Variants in PLXNA3 observed in about 807,000 individuals in gnomAD.
PLXNA3 encodes plexin-A3.
In PLXNA3, 52 loss-of-function variants were observed where a neutral mutation model predicts 118.8. That is an observed-to-expected ratio of 0.44 (90% CI 0.35 to 0.55). PLXNA3 has a LOEUF of 0.55. Among genes scored for constraint, PLXNA3 ranks in the 20% least tolerant of loss-of-function variants. The probability of loss-of-function intolerance (pLI) is 0.01; values close to 1 mark genes in which losing one functional copy is unlikely to be tolerated. For missense variants in PLXNA3, 1,660 were observed against 1,730.8 expected, an observed-to-expected ratio of 0.96 and a Z score of 0.73; for synonymous variants, 925 against 762.4, an observed-to-expected ratio of 1.21 and a Z score of -3.51.
At position 154,467,479 on chromosome X, in the gene PLXNA3, C is replaced by T. The variant is rs782539165; in HGVS notation, c.3441+8C>T. Reference sequence around the variant, plus strand: ...TCCCACGTGGTGCTGAAGGTGCGGGCGGGGTGGGGGCGGGGAGGGGCGGGA... The same window carrying T: ...TCCCACGTGGTGCTGAAGGTGCGGGTGGGGTGGGGGCGGGGAGGGGCGGGA... On this transcript the variant is annotated splice_region_variant and intron_variant, in intron 19 of 32. Transcript: ENST00000369682. The T allele has an allele frequency of 4.6e-4, 130 of 283,050 alleles. No individual in the cohort carries two copies. Among genetic ancestry groups the T allele is most frequent in the South Asian group, 9.7e-4 (20 of 20,528 alleles). 23.3% of individuals were successfully genotyped at this position (283,050 alleles called of 1,213,427 possible). A position where few individuals can be genotyped will look rare whatever the true frequency, so the allele number is the denominator to read the frequency against.
rs1273466865 is a variant in PLXNA3 at position 154,476,473 on chromosome X, AAG to A, written c.*3789_*3790del. On this transcript the variant is annotated 3_prime_UTR_variant, in exon 33 of 33. Coordinates refer to ENST00000369682, the MANE Select transcript of PLXNA3 (RefSeq NM_017514.5). Reference sequence around the variant, plus strand: ...ACACTGTCTCAAAAAAAAAAAAAAAAAGTGAAAGATCTAAATTGTCAACTATT... The same window carrying A: ...ACACTGTCTCAAAAAAAAAAAAAAAATGAAAGATCTAAATTGTCAACTATT... The A allele has an allele frequency of 2.7e-5, 3 of 110,311 alleles. No individual in the cohort carries two copies. The highest frequency in any genetic ancestry group is 5.7e-5 in the Non-Finnish European group (3 of 52,723). The allele number at this position is 110,311 out of a possible 1,213,427, so 9.1% of individuals were successfully genotyped here. A position where few individuals can be genotyped will look rare whatever the true frequency, so the allele number is the denominator to read the frequency against.
chrX:154,461,060 G>A, intron 2 of PLXNA3, 39 bp from the exon 3 acceptor site: 7 of 1,120,415 alleles, frequency 6.2e-6, no homozygotes, highest in Non-Finnish European at 8.5e-6. Flanking sequence ...TGTTGGCACA[G>A]GGCCTCACCG....
rs781863151 is a variant in PLXNA3 at position 154,463,928 on chromosome X, G to C, written c.1548-23G>C. On this transcript the variant is annotated intron_variant, in intron 6 of 32. Transcript: ENST00000369682. Reference sequence around the variant, plus strand: ...GCCCTCCCGGGGCAGTGGCGGGACCGGCTCTGGCCCGACCCCGTGCAGGTG... The same window carrying C: ...GCCCTCCCGGGGCAGTGGCGGGACCCGCTCTGGCCCGACCCCGTGCAGGTG... 4 of 1,155,596 alleles carry C rather than the reference G, an allele frequency of 3.5e-6. No homozygotes were observed. In the South Asian group the frequency reaches 7.7e-5, roughly 22 times the overall value.
At chrX:154,463,559 G>T (rs782034655) in intron 5 of PLXNA3, 31 bp from the exon 6 acceptor site, 13 of 1,154,216 alleles carry the variant, frequency 1.1e-5, no homozygotes, top group Non-Finnish European at 5.8e-6. Flanking sequence ...TGGGGCGGGG[G>T]TGGGCTGGGT....
At chrX:154,465,352 G>T in intron 11 of PLXNA3, 72 bp from the exon 12 acceptor site, 1 of 1,035,152 alleles carries the variant, frequency 9.7e-7, no homozygotes, top group Non-Finnish European at 1.4e-6. Context: ...GGAGGAGGGG[G>T]GCAGCTGGCA....
At chrX:154,460,986 C>T in intron 2 of PLXNA3, 113 bp from the exon 3 acceptor site, 3 of 771,625 alleles carry the variant, frequency 3.9e-6, no homozygotes, top group Non-Finnish European at 5.6e-6. Flanking sequence ...GCCTTTCTGG[C>T]CTGGGCCTCT....
rs370041119 is a variant in PLXNA3 at position 154,469,819 on chromosome X, C to A, written c.4795+35C>A. 5.2e-6 allele frequency: 6 copies of A among 1,150,522 alleles called. No individual in the cohort carries two copies. In the African/African-American group the frequency reaches 8.9e-5, roughly 17 times the overall value. 94.8% of individuals were successfully genotyped at this position (1,150,522 alleles called of 1,213,427 possible). A position where few individuals can be genotyped will look rare whatever the true frequency, so the allele number is the denominator to read the frequency against. On this transcript the variant is annotated intron_variant, in intron 28 of 32. Transcript: ENST00000369682. ...CTCAGTGTGGTGGCCATGTGCCCTTCGAGGGAACCCCCACTTCCAAGTGCC... is the reference window on the plus strand; with the variant it reads ...CTCAGTGTGGTGGCCATGTGCCCTTAGAGGGAACCCCCACTTCCAAGTGCC...
intron 31 of PLXNA3, 51 bp downstream of exon 31, chrX:154,471,368 G>C (rs1557209439): frequency 8.6e-7 from 1 of 1,166,676 alleles, no homozygotes; most frequent in South Asian, 1.9e-5. Flanking sequence ...GCCCCTCCCT[G>C]GGCTGCCTGT....
Position 154,467,150 on chromosome X carries a change from T to C in PLXNA3, c.3201T>C (p.Asn1067=). 1 of 1,209,509 alleles carries C rather than the reference T, an allele frequency of 8.3e-7. No individual in the cohort carries two copies. Among genetic ancestry groups the C allele is most frequent in the Middle Eastern group, 2.3e-4 (1 of 4,346 alleles). Reference sequence around the variant, plus strand: ...AGTACCGCGGCATTGAGACCACCAATGTGAGTACCAGCTGCCCCGCCCCAC... The same window carrying C: ...AGTACCGCGGCATTGAGACCACCAACGTGAGTACCAGCTGCCCCGCCCCAC... ...RAKYRGIETT[N]TCQVINDTAM... The change falls in exon 18 of 33, where the codon AAT becomes AAC. Residue 1067 remains asparagine, a splice_region_variant and synonymous_variant. Coordinates refer to ENST00000369682, the MANE Select transcript of PLXNA3 (RefSeq NM_017514.5).
rs1180496539 is a variant in PLXNA3, at chrX:154,460,410, G to A, written c.227G>A (p.Arg76His). 15 of 1,201,685 alleles carry A rather than the reference G, an allele frequency of 1.2e-5. No homozygotes were observed. Among genetic ancestry groups the A allele is most frequent in the African/African-American group, 7.0e-5 (4 of 57,395 alleles). Residue 76 changes from arginine (R) to histidine (H), a missense_variant, in exon 2 of 33, where the codon CGC (arginine) becomes CAC (histidine). This residue lies in a region of PLXNA3 where 791 missense variants were observed against 652.1 expected (regional missense o/e 1.21). Transcript: ENST00000369682. ...HVTGPVEDNA[R>H]CYPPPSMRVC... ...ACGGGGCCCGTCGAGGACAACGCTCGCTGCTACCCGCCCCCCAGCATGCGC... is the reference window on the plus strand; with the variant it reads ...ACGGGGCCCGTCGAGGACAACGCTCACTGCTACCCGCCCCCCAGCATGCGC...
rs1451608752 is a variant in PLXNA3 at position 154,463,445 on chromosome X, G to T, written c.1372G>T (p.Asp458Tyr). The T allele has an allele frequency of 5.0e-6, 6 of 1,206,207 alleles. No homozygotes were observed. Among genetic ancestry groups the T allele is most frequent in the Non-Finnish European group, 6.7e-6 (6 of 893,718 alleles). Residue 458 changes from aspartate to tyrosine, a missense_variant, in exon 5 of 33, where the codon GAT becomes TAT. Transcript: ENST00000369682. ...CCTGTATGAGACAGTCCCCGTGGTG[G>T]ATGGCAGCCCCATCCTCCGAGACCT... ...AHLYETVPVV[D>Y]GSPILRDLLF...
chrX:154,462,041 C>A, intron 3 of PLXNA3, 87 bp from the exon 4 acceptor site: 1 of 809,305 alleles, frequency 1.2e-6, no homozygotes, highest in Non-Finnish European at 1.8e-6. Context: ...TTCTAGATCC[C>A]GCTCTCTTCT....
At position 154,477,475 on chromosome X, in the gene PLXNA3, G is replaced by C. The variant is rs1360247332; in HGVS notation, c.*4790G>C. 1 of 114,311 alleles carries C rather than the reference G, an allele frequency of 8.7e-6. No homozygotes were observed. The highest frequency in any genetic ancestry group is 1.8e-5 in the Non-Finnish European group (1 of 54,720). The allele number at this position is 114,311 out of a possible 1,213,427, so 9.4% of individuals were successfully genotyped here. On this transcript the variant is annotated 3_prime_UTR_variant, in exon 33 of 33. Coordinates refer to ENST00000369682, the MANE Select transcript of PLXNA3 (RefSeq NM_017514.5). Reference sequence around the variant, plus strand: ...CGTTAGAGGAAAAAAGCTCATGTTAGATTTAAAAATCAGGAAAAAAATTTA... The same window carrying C: ...CGTTAGAGGAAAAAAGCTCATGTTACATTTAAAAATCAGGAAAAAAATTTA...
chrX:154,463,621 A>G lies in PLXNA3; in HGVS notation c.1478A>G (p.Gln493Arg), dbSNP rs1557205652. The G allele has an allele frequency of 8.3e-7, 1 of 1,204,756 alleles. No individual in the cohort carries two copies. Among genetic ancestry groups the G allele is most frequent in the Admixed American group, 2.2e-5 (1 of 45,714 alleles). Reference protein sequence around the residue: ...VSQLPVETCEQYQSCAACLGS... With the variant: ...VSQLPVETCERYQSCAACLGS... ...CAGCTCCCGGTGGAGACCTGTGAGC[A>G]GTACCAGAGCTGCGCAGCCTGCCTG... The change falls in exon 6 of 33, where the codon CAG (glutamine) becomes CGG (arginine). Residue 493 changes from glutamine to arginine, a missense_variant. Transcript: ENST00000369682.
In PLXNA3 at chrX:154,468,467, C is replaced by T. The variant is rs201090943; in HGVS notation, c.4128C>T (p.Leu1376=). The change falls in exon 23 of 33, where the codon CTC becomes CTT. Residue 1376 remains leucine, a synonymous_variant. Coordinates refer to ENST00000369682, the MANE Select transcript of PLXNA3 (RefSeq NM_017514.5). ...SLTMVALQSR[L]DYATGLLKQL... ...CCATGGTGGCCCTGCAGAGCCGGCT[C>T]GACTATGCCACGGGGCTGCTCAAGC... The T allele has an allele frequency of 1.7e-6, 2 of 1,211,312 alleles. No homozygotes were observed. Among genetic ancestry groups the T allele is most frequent in the South Asian group, 1.8e-5 (1 of 57,050 alleles).
chrX:154,470,435 C>T lies in PLXNA3; in HGVS notation c.4987-7C>T. 1 of 1,205,225 alleles carries T rather than the reference C, an allele frequency of 8.3e-7. No individual in the cohort carries two copies. Among genetic ancestry groups the T allele is most frequent in the South Asian group, 1.8e-5 (1 of 56,142 alleles). On this transcript the variant is annotated splice_region_variant and splice_polypyrimidine_tract_variant and intron_variant, in intron 29 of 32. Coordinates refer to ENST00000369682, the MANE Select transcript of PLXNA3 (RefSeq NM_017514.5). ...CTCATAGCCTGTGACCTCTCTGCCC[C>T]ACACAGGGCACACTGCAGAAGTTCG...
In PLXNA3 at chrX:154,469,666, CCT is replaced by C. The variant is rs782131831; in HGVS notation, c.4699-19_4699-18del. 1.7e-6 allele frequency: 2 copies of C among 1,186,359 alleles called. No homozygotes were observed. Among genetic ancestry groups the C allele is most frequent in the Non-Finnish European group, 2.3e-6 (2 of 872,441 alleles). On this transcript the variant is annotated intron_variant, in intron 27 of 32. Coordinates refer to ENST00000369682, the MANE Select transcript of PLXNA3 (RefSeq NM_017514.5). The stretch of plus-strand genomic sequence containing the variant: ...GCTTCTCAGCTTCCTGCACTGCCCC[CCT>C]CTGTCTCTGGGGCCTCCAGGTGACA...
intron 4 of PLXNA3, among the ~76,000 whole-genome samples, chrX:154,462,912 A>G (rs1388545114): frequency 9.0e-6 from 1 of 111,224 alleles, no homozygotes; most frequent in Non-Finnish European, 1.9e-5. Flanking sequence ...GCCATCCCCC[A>G]GGAGGGCAAG....
At chrX:154,464,106 G>A in intron 7 of PLXNA3, 32 bp downstream of exon 7, 1 of 1,209,134 alleles carries the variant, frequency 8.3e-7, no homozygotes, top group African/African-American at 1.7e-5. Flanking sequence ...GGCTGGGTGT[G>A]CACATGTGTG....
Sources: allele counts gnomAD v4.1 joint callset (sites outside exome capture counted in the v4.1 genomes callset), GRCh38; gene constraint gnomAD v4.1.1; regional missense constraint gnomAD v4.1.1; transcripts MANE v1.5; gene names NCBI Gene and HGNC (gene_info 2026-07-23, HGNC 2026-07-21).